GTF3C5: variants seen among roughly 807,000 people sequenced by gnomAD.
The protein encoded by GTF3C5 is general transcription factor IIIC subunit 5.
Under a neutral mutation model 61.0 loss-of-function variants are expected in GTF3C5, and 47 were observed. The observed-to-expected ratio is 0.77, with a 90% CI of 0.61 to 0.98. The LOEUF is 0.98. Among genes scored for constraint, GTF3C5 ranks in the 50% least tolerant of loss-of-function variants. The pLI is 0.00. For synonymous variants in GTF3C5, 295 were observed against 275.4 expected (o/e 1.07, Z -0.71); for missense variants, 659 against 703.3 (o/e 0.94, Z 0.71).
chr9:133,040,445 A>G (rs1850003994), intron 1 of GTF3C5, among the ~76,000 whole-genome samples: 1 of 152,190 alleles, frequency 6.6e-6, no homozygotes, highest in Non-Finnish European at 1.5e-5. Flanking sequence ...TGTACGTGGC[A>G]CATATTGAAT....
chr9:133,044,127 AGAGT>A (rs1464059016), intron 3 of GTF3C5: 4 of 249,412 alleles, frequency 1.6e-5, no homozygotes, highest in African/African-American at 9.9e-5. Flanking sequence ...CCCGGGTGAC[AGAGT>A]GAGACTTTGT....
At chr9:133,035,825 G>C (rs974298410) in intron 1 of GTF3C5, among the ~76,000 whole-genome samples, 8 of 152,268 alleles carry the variant, frequency 5.3e-5, no homozygotes, top group Admixed American at 4.6e-4. Flanking sequence ...GCAGCTGGAG[G>C]TTACCTAACA....
upstream of GTF3C5, chr9:133,030,996 T>G: frequency 3.1e-6 from 5 of 1,612,086 alleles, no homozygotes; most frequent in Non-Finnish European, 4.2e-6. Flanking sequence ...TGGCGGGCCC[T>G]GCCAGACGCA....
At position 133,039,003 on chromosome 9, in the gene GTF3C5, G is replaced by C. The variant is rs148583644; in HGVS notation, c.154-3084G>C. ...TTCTCTGCCACGTACGGCTCTAGGT[G>C]CCTTACTTAGAGTCCGTCCTCTTTA... On this transcript the variant is annotated intron_variant, in intron 1 of 10. Transcript: ENST00000372097. Among the ~76,000 whole-genome samples, 6 of 152,328 alleles carry C rather than the reference G, an allele frequency of 3.9e-5. No individual in the cohort carries two copies. In the East Asian group the frequency reaches 1.2e-3, roughly 29 times the overall value.
At chr9:133,030,802 C>T (rs558926499), upstream of GTF3C5, 42 of 665,174 alleles carry the variant, frequency 6.3e-5, no homozygotes, top group Admixed American at 2.0e-4. Context: ...AATAAAAAGT[C>T]GAGGACACGG....
chr9:133,047,293 G>C (rs1438510592), intron 3 of GTF3C5, among the ~76,000 whole-genome samples: 1 of 152,076 alleles, frequency 6.6e-6, no homozygotes, highest in Non-Finnish European at 1.5e-5. Flanking sequence ...TTTGGTTGCT[G>C]TCCCCTAGTC....
At chr9:133,046,138 C>T (rs1850195076) in intron 3 of GTF3C5, among the ~76,000 whole-genome samples, 1 of 151,900 alleles carries the variant, frequency 6.6e-6, no homozygotes, top group Non-Finnish European at 1.5e-5. Flanking sequence ...CCAGCCTGGG[C>T]AATATAGCAA....
At chr9:133,033,497 G>A (rs932503852) in intron 1 of GTF3C5, among the ~76,000 whole-genome samples, 4 of 152,160 alleles carry the variant, frequency 2.6e-5, no homozygotes, top group African/African-American at 9.7e-5. Context: ...AGGTCCCCAA[G>A]GAATGCCAAA....
Position 133,054,644 on chromosome 9 carries a change from A to G in GTF3C5, c.1070-68A>G, listed in dbSNP as rs556763164. On this transcript the variant is annotated intron_variant, in intron 7 of 10. Transcript: ENST00000372097. ...GGGTGGGCTGGCAGGAGGGCAGGGC[A>G]TGGTGGTTGGGAGAGACACCTCCTC... is the stretch of plus-strand genomic sequence containing the variant. The G allele has an allele frequency of 8.8e-5, 129 of 1,457,872 alleles. 2 individuals are homozygous for G. The South Asian group carries it at 1.3e-3, about 15-fold the overall frequency. 90.3% of individuals were successfully genotyped at this position (1,457,872 alleles called of 1,614,324 possible). A position where few individuals can be genotyped will look rare whatever the true frequency, so the allele number is the denominator to read the frequency against.
In GTF3C5 at chr9:133,051,003, C is replaced by G. The variant is rs1271569955; in HGVS notation, c.768+25C>G. The G allele has an allele frequency of 1.9e-6, 3 of 1,540,278 alleles. No individual in the cohort carries two copies. In the African/African-American group the frequency reaches 4.2e-5, roughly 21 times the overall value. ...GGCAAGTCCTGCGCTGCGCCTGGCC[C>G]CGGTGGCTCCAGCCTCTCTGTTGGC... On this transcript the variant is annotated intron_variant, in intron 4 of 10. Transcript: ENST00000372097.
rs140936027 is a variant in GTF3C5, at chr9:133,031,030, G to T, written c.19G>T (p.Asp7Tyr). 543 of 1,612,078 alleles carry T rather than the reference G, an allele frequency of 3.4e-4. 1 individual carries two copies. Among genetic ancestry groups the T allele is most frequent in the Non-Finnish European group, 4.2e-4 (498 of 1,179,172 alleles). The change falls in exon 1 of 11, where the codon GAT (aspartate) becomes TAT (tyrosine). Residue 7 changes from aspartate to tyrosine, a missense_variant. Asp to Tyr is a radical substitution (Grantham distance 160). Transcript: ENST00000372097. Reference sequence around the variant, plus strand: ...CACAGGGATGGCGGCGGAGGCGGCCGATTTGGGGCTGGGGGCCGCCGTCCC... The same window carrying T: ...CACAGGGATGGCGGCGGAGGCGGCCTATTTGGGGCTGGGGGCCGCCGTCCC... MAAEAA[D>Y]LGLGAAVPVE... is the part of the protein sequence containing the mutation.
upstream of GTF3C5, chr9:133,030,868 C>A (rs994791532): frequency 4.3e-6 from 4 of 924,902 alleles, no homozygotes; most frequent in Non-Finnish European, 7.0e-6. Context: ...CCCTGGAGGC[C>A]CTCGCGTCTT....
chr9:133,043,959 T>G, intron 3 of GTF3C5, 33 bp downstream of exon 3: 4 of 1,533,814 alleles, frequency 2.6e-6, no homozygotes, highest in African/African-American at 1.4e-5. Context: ...CTCGGTTCTC[T>G]ATCCTGAAAA....
rs118120242 is a variant in GTF3C5, at chr9:133,051,214, G to A, written c.768+236G>A. 7.7e-4 allele frequency among the ~76,000 whole-genome samples: 117 copies of A among 152,352 alleles called. No homozygotes were observed. In the East Asian group the frequency reaches 0.01, roughly 13 times the overall value. ...GAGTTCTTAAGAAAAATATGCGTGC[G>A]TTGTTCAGATGTGACATAAACGTGG... On this transcript the variant is annotated intron_variant, in intron 4 of 10. Transcript: ENST00000372097.
intron 10 of GTF3C5, 136 bp from the exon 11 acceptor site, chr9:133,057,678 C>A: frequency 1.3e-6 from 1 of 750,382 alleles, no homozygotes. Flanking sequence ...CCACCCCATA[C>A]TTACCCACCA....
In GTF3C5 at chr9:133,050,809, C is replaced by G; in HGVS notation, c.599C>G (p.Ser200Ter). ...HREGYNNPPI[S>*]GENLIGLSRA... ...GAAGGCTACAACAATCCCCCCATCT[C>G]AGGTGAGAATCTGATTGGCCTGAGC... is the stretch of plus-strand genomic sequence containing the variant. Residue 200 changes from serine to a stop codon, truncating the protein, a stop_gained, in exon 4 of 11, where the codon TCA (serine) becomes TGA (stop). Transcript: ENST00000372097. LOFTEE classifies it high-confidence loss of function. 3.1e-6 allele frequency: 5 copies of G among 1,613,764 alleles called. No homozygotes were observed. Among genetic ancestry groups the G allele is most frequent in the Non-Finnish European group, 4.2e-6 (5 of 1,179,772 alleles).
At position 133,056,022 on chromosome 9, in the gene GTF3C5, A is replaced by T; in HGVS notation, c.1178A>T (p.Tyr393Phe). 1 of 1,614,042 alleles carries T rather than the reference A, an allele frequency of 6.2e-7. No individual in the cohort carries two copies. Reference sequence around the variant, plus strand: ...CCCCTTTGTCACCAGGACTCTGTCTACATCTTCCGGGAAGGGGCCTTGCCA... The same window carrying T: ...CCCCTTTGTCACCAGGACTCTGTCTTCATCTTCCGGGAAGGGGCCTTGCCA... ...SSKYKLKDSV[Y>F]IFREGALPPY... The change falls in exon 9 of 11, where the codon TAC (tyrosine) becomes TTC (phenylalanine). Residue 393 changes from tyrosine to phenylalanine, a missense_variant. Physicochemically the swap from Tyr to Phe is conservative, Grantham distance 22. Transcript: ENST00000372097.
At chr9:133,041,383 C>T (rs540168807) in intron 1 of GTF3C5, among the ~76,000 whole-genome samples, 26 of 152,186 alleles carry the variant, frequency 1.7e-4, no homozygotes, top group Admixed American at 1.4e-3. Context: ...CCTGGCTCTG[C>T]CTTTTAGATA....
In GTF3C5 at chr9:133,050,384, C is replaced by T. The variant is rs946595741; in HGVS notation, c.573-399C>T. Among the ~76,000 whole-genome samples, 3 of 152,368 alleles carry T rather than the reference C, an allele frequency of 2.0e-5. No homozygotes were observed. In the South Asian group the frequency reaches 6.2e-4, roughly 32 times the overall value. On this transcript the variant is annotated intron_variant, in intron 3 of 10. Transcript: ENST00000372097. ...CTCATGCAGCTGTGCTGGGTGATTT[C>T]ACCATTGCCAGCTGCTGGACATTAG...
Sources: allele counts gnomAD v4.1 joint callset (sites outside exome capture counted in the v4.1 genomes callset), GRCh38; gene constraint gnomAD v4.1.1; transcripts MANE v1.5; gene names NCBI Gene and HGNC (gene_info 2026-07-23, HGNC 2026-07-21).